The following DPH6 variants were observed in gnomAD, a reference collection of about 807,000 sequenced individuals.
DPH6 encodes the protein diphthine--ammonia ligase.
In DPH6, 33 loss-of-function variants were observed where a neutral mutation model predicts 38.2. The observed-to-expected ratio is 0.86, with a 90% confidence interval of 0.65 to 1.15. The LOEUF is 1.15. Among genes scored for constraint, DPH6 ranks in the 50% most tolerant of loss-of-function variants. The pLI is 0.00. For synonymous variants in DPH6, 108 were observed against 103.0 expected, an observed-to-expected ratio of 1.05 and a Z score of -0.30; for missense variants, 325 against 320.0, an observed-to-expected ratio of 1.02 and a Z score of -0.12.
At chr15:35,363,873 CT>C (rs955261057) in intron 3 of DPH6, among the ~76,000 whole-genome samples, 82 of 151,988 alleles carry the variant, frequency 5.4e-4, no homozygotes, top group African/African-American at 1.9e-3. Context: ...CAACATTTGC[CT>C]TTTTTTATAT....
At chr15:35,208,877 T>G in the DPH6 span, among the ~76,000 whole-genome samples, 2 of 152,154 alleles carry the variant, frequency 1.3e-5, no homozygotes, top group Non-Finnish European at 2.9e-5. Context: ...CATGGGAGAC[T>G]TGATTCTAAT....
chr15:35,251,712 T>G (rs1398936964), intron 3 of DPH6, among the ~76,000 whole-genome samples: 2 of 152,104 alleles, frequency 1.3e-5, no homozygotes, highest in Non-Finnish European at 2.9e-5. Context: ...TATTGACTCA[T>G]AAAATCTCAA....
chr15:35,467,565 C>T (rs1212944736), intron 3 of DPH6, among the ~76,000 whole-genome samples: 1 of 152,010 alleles, frequency 6.6e-6, no homozygotes, highest in South Asian at 2.1e-4. Flanking sequence ...GACTCCATCT[C>T]GAACAAACAA....
At chr15:35,381,990 C>T (rs1755496641) in intron 6 of DPH6, 74 bp from the exon 7 acceptor site, 5 of 1,044,798 alleles carry the variant, frequency 4.8e-6, no homozygotes, top group Non-Finnish European at 7.2e-6. Context: ...TTATCTGGTA[C>T]TAAAAAATCC....
chr15:35,239,153 G>A lies in DPH6; in HGVS notation n.201-18571C>T, dbSNP rs1488682829. On this transcript the variant is annotated intron_variant and non_coding_transcript_variant, in intron 3 of 3. Transcript: ENST00000560386. The stretch of plus-strand genomic sequence containing the variant: ...TGCTCCGTGAGAAAGATCCACCTAC[G>A]ACCTCAGGTCCTCAGACCTACCAGC... 4.9e-5 allele frequency among the ~76,000 whole-genome samples: 7 copies of A among 143,704 alleles called. 3 individuals are homozygous for A. Among genetic ancestry groups the A allele is most frequent in the Admixed American group, 4.5e-4 (6 of 13,338 alleles). 94.3% of individuals were successfully genotyped at this position (143,704 alleles called of 152,430 possible).
At chr15:35,236,593 C>T (rs991749364) in intron 3 of DPH6, among the ~76,000 whole-genome samples, 2 of 151,000 alleles carry the variant, frequency 1.3e-5, no homozygotes, top group African/African-American at 4.9e-5. Context: ...GAGCCCAGAT[C>T]GCGCCACTGC....
Position 35,458,815 on chromosome 15 carries a change from C to T in DPH6, c.313-3995G>A, listed in dbSNP as rs764815111. Among the ~76,000 whole-genome samples, 15 of 152,290 alleles carry T rather than the reference C, an allele frequency of 9.8e-5. 1 individual carries two copies. In the South Asian group the frequency reaches 2.1e-3, roughly 21 times the overall value. ...ATAATCATGTACAATCAACTGCATA[C>T]AGTTAAAATACATAATGCAATCCTT... On this transcript the variant is annotated intron_variant, in intron 3 of 8. Transcript: ENST00000256538.
chr15:35,509,188 A>G (rs967365390), intron 3 of DPH6, among the ~76,000 whole-genome samples: 2 of 152,228 alleles, frequency 1.3e-5, no homozygotes, highest in African/African-American at 4.8e-5. Context: ...AGGCTTAGGA[A>G]GAGTTAAGAA....
At position 35,496,565 on chromosome 15, in the gene DPH6, A is replaced by ATATATATATATATGTATAT. The variant is rs1467883229; in HGVS notation, c.312+41708_312+41709insATATACATATATATATATA. ...ACGAAAGTTCCATCTCAAAAAAAAA[A>ATATATATATATATGTATAT]AAATATATATATATATATATATATA... On this transcript the variant is annotated intron_variant, in intron 3 of 8. Coordinates refer to ENST00000256538, the MANE Select transcript of DPH6 (RefSeq NM_080650.4). Among the ~76,000 whole-genome samples, 2 of 20,150 alleles carry ATATATATATATATGTATAT rather than the reference A, an allele frequency of 9.9e-5. 1 individual carries two copies. The highest frequency in any genetic ancestry group is 7.0e-3 in the East Asian group (2 of 284). The allele number at this position is 20,150 out of a possible 152,430, so 13.2% of individuals were successfully genotyped here.
chr15:35,341,196 G>A (rs151083004), intron 3 of DPH6, among the ~76,000 whole-genome samples: 120 of 152,202 alleles, frequency 7.9e-4, no homozygotes, highest in African/African-American at 2.8e-3. Flanking sequence ...GCATTGTGTA[G>A]TTCTCATGTT....
rs1482076204 is a variant in DPH6, at chr15:35,546,109, A to C, written c.23+10T>G. ...CTAGGAGGAAGGAGGCGGCTCCAGG[A>C]CCGCATTACCTGATCAGAGCCGCGA... On this transcript the variant is annotated intron_variant, in intron 1 of 8. Transcript: ENST00000256538. The C allele has an allele frequency of 6.4e-6, 9 of 1,399,740 alleles. No homozygotes were observed. The highest frequency in any genetic ancestry group is 8.5e-6 in the Non-Finnish European group (9 of 1,062,362). The allele number at this position is 1,399,740 out of a possible 1,614,324, so 86.7% of individuals were successfully genotyped here. A position where few individuals can be genotyped will look rare whatever the true frequency, so the allele number is the denominator to read the frequency against.
chr15:35,503,724 T>G (rs1221981835), intron 3 of DPH6, among the ~76,000 whole-genome samples: 1 of 152,128 alleles, frequency 6.6e-6, no homozygotes, highest in Non-Finnish European at 1.5e-5. Context: ...TCTCTCATCT[T>G]GAAACACTAT....
chr15:35,372,260 G>C, intron 8 of DPH6, 57 bp from the exon 9 acceptor site: 2 of 1,303,456 alleles, frequency 1.5e-6, no homozygotes, highest in Non-Finnish European at 2.1e-6. Flanking sequence ...TTCAGTGTCA[G>C]TGAATATGAC....
At chr15:35,524,109 A>G (rs909645240) in intron 3 of DPH6, among the ~76,000 whole-genome samples, 5 of 151,972 alleles carry the variant, frequency 3.3e-5, no homozygotes, top group African/African-American at 1.2e-4. Context: ...AACCCTTCAA[A>G]GATAGAAACT....
chr15:35,298,301 T>C, intron 3 of DPH6: 1 of 591,718 alleles, frequency 1.7e-6, no homozygotes, highest in Non-Finnish European at 3.3e-6. Context: ...TGTAGAAACA[T>C]GCATTTGCCA....
chr15:35,435,865 CT>C (rs2053693212), intron 5 of DPH6, among the ~76,000 whole-genome samples: 1 of 152,124 alleles, frequency 6.6e-6, no homozygotes, highest in Admixed American at 6.5e-5. Flanking sequence ...GTAGAGGAAA[CT>C]GTGGTCCCTT....
chr15:35,332,986 TA>T (rs2052338722), intron 3 of DPH6, among the ~76,000 whole-genome samples: 2 of 151,880 alleles, frequency 1.3e-5, no homozygotes, highest in Non-Finnish European at 2.9e-5. Context: ...GTTATCCTCA[TA>T]CAGTTCACTT....
intron 5 of DPH6, among the ~76,000 whole-genome samples, chr15:35,431,867 A>C (rs1218395368): frequency 6.6e-6 from 1 of 151,996 alleles, no homozygotes; most frequent in South Asian, 2.1e-4. Context: ...GGCTCACTGC[A>C]AGCTCCGCAT....
rs115552315 is a variant in DPH6 at position 35,439,635 on chromosome 15, G to A, written c.505+11050C>T. On this transcript the variant is annotated intron_variant, in intron 5 of 8. Coordinates refer to ENST00000256538, the MANE Select transcript of DPH6 (RefSeq NM_080650.4). ...TAGATACCCTGTCTACATAGTCCCT[G>A]TACAAAGTTCCTAACCTGTGGTGAG... Among the ~76,000 whole-genome samples the A allele has an allele frequency of 4.2e-3, 633 of 152,234 alleles. 10 individuals carry two copies. The highest frequency in any genetic ancestry group is 0.015 in the African/African-American group (604 of 41,538).
Sources: gnomAD v4.1 joint callset for allele counts (sites outside exome capture counted in the v4.1 genomes callset) on GRCh38, gnomAD v4.1.1 for gene constraint, MANE v1.5 for transcripts, NCBI Gene and HGNC (gene_info 2026-07-23, HGNC 2026-07-21) for gene names.